The following ACE variants were observed in gnomAD, a reference collection of about 807,000 sequenced individuals.
The protein encoded by ACE is angiotensin-converting enzyme.
A neutral mutation model predicts 162.3 loss-of-function variants in ACE; 122 were observed. That is an observed-to-expected ratio of 0.75 (90% CI 0.65 to 0.87). The LOEUF is 0.87. Ranked by LOEUF, ACE falls within the 40% of genes least tolerant of loss-of-function variation. The pLI, the probability that ACE is intolerant of heterozygous loss-of-function variation, is 0.00. For synonymous variants in ACE, 796 were observed against 720.6 expected, an observed-to-expected ratio of 1.10 and a Z score of -1.68; for missense variants, 1,799 against 1,735.1, an observed-to-expected ratio of 1.04 and a Z score of -0.65.
In ACE at chr17:63,496,394, G is replaced by T. The variant is rs1229959665; in HGVS notation, c.3381G>T (p.Arg1127Ser). ...FHIPSSVPYI[R>S]YFVSFIIQFQ... ...GGGCCACGGCCTCGCTCTGCTCCAG[G>T]TACTTTGTCAGCTTCATCATCCAGT... Residue 1127 changes from arginine to serine, a missense_variant and splice_region_variant, in exon 23 of 25, where the codon AGG becomes AGT. Arg to Ser is a moderately radical substitution (Grantham distance 110). Transcript: ENST00000290866. The T allele has an allele frequency of 6.2e-7, 1 of 1,614,054 alleles. No homozygotes were observed. Among genetic ancestry groups the T allele is most frequent in the Non-Finnish European group, 8.5e-7 (1 of 1,180,040 alleles).
chr17:63,483,231 A>G, intron 9 of ACE, 58 bp downstream of exon 9: 1 of 1,611,484 alleles, frequency 6.2e-7, no homozygotes, highest in East Asian at 2.2e-5. Context: ...CCTCCTGGAC[A>G]GCCAGGCGCC....
chr17:63,486,912 C>T, intron 14 of ACE, 74 bp from the exon 15 acceptor site: 2 of 1,507,122 alleles, frequency 1.3e-6, no homozygotes, highest in Admixed American at 1.7e-5. Context: ...GCCCATGGGG[C>T]CTGGGGGTAG....
Position 63,486,685 on chromosome 17 carries a change from G to T in ACE, c.2187G>T (p.Arg729=), listed in dbSNP as rs35553988. The change falls in exon 14 of 25, where the codon CGG becomes CGT. Residue 729 remains arginine, a synonymous_variant. Coordinates refer to ENST00000290866, the MANE Select transcript of ACE (RefSeq NM_000789.4). ...TAAAGAAGGTTCAGGACCTAGAACG[G>T]GCAGCACTGCCTGCCCAGGAGCTGG... ...RIIKKVQDLE[R]AALPAQELEE... 1.1e-3 allele frequency: 1,800 copies of T among 1,614,216 alleles called. 22 individuals carry two copies. The African/African-American group carries it at 0.021, about 19-fold the overall frequency.
At chr17:63,477,653 C>T (rs1465822014) in intron 1 of ACE, 2 of 482,194 alleles carry the variant, frequency 4.1e-6, no homozygotes, top group African/African-American at 3.9e-5. Context: ...CGGACGCTGT[C>T]GCTGTCACCG....
chr17:63,483,776 G>C, intron 10 of ACE, 73 bp from the exon 11 acceptor site: 5 of 1,610,988 alleles, frequency 3.1e-6, no homozygotes, highest in Non-Finnish European at 4.2e-6. Context: ...CAGGAAGCTG[G>C]ATGGTGCCTG....
chr17:63,479,228 A>G (rs149402509), intron 3 of ACE, 128 bp downstream of exon 3: 4 of 794,046 alleles, frequency 5.0e-6, no homozygotes, highest in East Asian at 2.7e-5. Context: ...TTGCCCTCCA[A>G]CTGGGGCTGG....
chr17:63,483,570 C>CCCCCCCCCCCCCCCCCCCCAA lies in ACE; in HGVS notation c.1586+14_1586+15insCCCCCCCCCCCCCCCCCAACC. 1 of 803,466 alleles carries CCCCCCCCCCCCCCCCCCCCAA rather than the reference C, an allele frequency of 1.2e-6. No homozygotes were observed. The highest frequency in any genetic ancestry group is 2.0e-6 in the Non-Finnish European group (1 of 509,414). 49.8% of individuals were successfully genotyped at this position (803,466 alleles called of 1,614,324 possible). On this transcript the variant is annotated intron_variant, in intron 10 of 24. Transcript: ENST00000290866. ...ACACCATACATCAGGTATTAGCGCC[C>CCCCCCCCCCCCCCCCCCCCAA]CCACCCCACCCACCCCCAGTACTGT...
chr17:63,481,633 T>C lies in ACE; in HGVS notation c.1013T>C (p.Met338Thr). ...TTCACCTCCCTGGAGCTCTCCCCCA[T>C]GCCTCCCGAGTTCTGGGAAGGGTCG... Reference protein sequence around the residue: ...EFFTSLELSPMPPEFWEGSML... With the variant: ...EFFTSLELSPTPPEFWEGSML... The change falls in exon 7 of 25, where the codon ATG (methionine) becomes ACG (threonine). Residue 338 changes from methionine to threonine, a missense_variant. Met to Thr is a moderately conservative substitution (Grantham distance 81, BLOSUM62 -1). Coordinates refer to ENST00000290866, the MANE Select transcript of ACE (RefSeq NM_000789.4). The C allele has an allele frequency of 1.2e-6, 2 of 1,614,014 alleles. No individual in the cohort carries two copies. Among genetic ancestry groups the C allele is most frequent in the South Asian group, 1.1e-5 (1 of 91,084 alleles).
chr17:63,485,756 CAG>C (rs1358386307), intron 13 of ACE: 1 of 161,632 alleles, frequency 6.2e-6, no homozygotes, highest in Non-Finnish European at 1.2e-5. Context: ...GCCTGGGCGA[CAG>C]AGCGAGACTC....
In ACE at chr17:63,487,426, C is replaced by T. The variant is rs572528376; in HGVS notation, c.2305+353C>T. 6.0e-4 allele frequency among the ~76,000 whole-genome samples: 91 copies of T among 152,262 alleles called. 1 individual carries two copies. The highest frequency in any genetic ancestry group is 1.1e-3 in the Non-Finnish European group (76 of 68,024). ...GGAACTCGGGGACACTAGCTCCCCC[C>T]GGCCTCCTTTCGTGACCCTGCCCTT... On this transcript the variant is annotated intron_variant, in intron 15 of 24. Transcript: ENST00000290866.
rs746927014 is a variant in ACE, at chr17:63,491,319, C to T, written c.2850C>T (p.Thr950=). ...ACAAGTCGATGCTGGAGAAGCCAAC[C>T]GACGGGCGGGAGGTGGTCTGCCACG... ...FWNKSMLEKP[T]DGREVVCHAS... Residue 950 remains threonine (T), a synonymous_variant, in exon 19 of 25, where the codon ACC becomes ACT. Transcript: ENST00000290866. This position sits in a 1 kb window ranked among gnomAD's most constrained non-coding sequence, Gnocchi z 4.4. 45 of 1,614,028 alleles carry T rather than the reference C, an allele frequency of 2.8e-5. No individual in the cohort carries two copies. Among genetic ancestry groups the T allele is most frequent in the Non-Finnish European group, 1.4e-5 (17 of 1,180,038 alleles).
At chr17:63,483,780 G>A (rs1555669553) in intron 10 of ACE, 69 bp from the exon 11 acceptor site, 1 of 1,611,596 alleles carries the variant, frequency 6.2e-7, no homozygotes, top group African/African-American at 1.3e-5. Flanking sequence ...AAGCTGGATG[G>A]TGCCTGGGTA....
chr17:63,481,512 C>A, intron 6 of ACE, 54 bp from the exon 7 acceptor site: 1 of 1,602,510 alleles, frequency 6.2e-7, no homozygotes, highest in Non-Finnish European at 8.5e-7. Context: ...CAGCCCTGTC[C>A]CCAGGCCAGC....
In ACE at chr17:63,477,176, C is replaced by T. The variant is rs746237814; in HGVS notation, c.82C>T (p.Leu28=). 1.0e-5 allele frequency: 15 copies of T among 1,465,228 alleles called. No homozygotes were observed. The highest frequency in any genetic ancestry group is 6.9e-5 in the Admixed American group (3 of 43,734). 90.8% of individuals were successfully genotyped at this position (1,465,228 alleles called of 1,614,324 possible). The part of the protein sequence containing the change: ...LLLLLPPQPA[L]ALDPGLQPGN... ...GTTGCTGCTGCCGCCGCAGCCCGCC[C>T]TGGCGTTGGACCCCGGGCTGCAGCC... The change falls in exon 1 of 25, where the codon CTG becomes TTG. Residue 28 remains leucine (L), a synonymous_variant. Transcript: ENST00000290866.
chr17:63,489,792 T>C (rs1393522850), intron 17 of ACE: 1 of 155,866 alleles, frequency 6.4e-6, no homozygotes, highest in Non-Finnish European at 1.4e-5. Flanking sequence ...TCAGACCATT[T>C]AGAAACTATA....
In ACE at chr17:63,497,655, C is replaced by G; in HGVS notation, c.*289C>G. ...GTGTCCCTCACAGGGAAGCCAGGGA[C>G]AGGGACAGGCTGCTTTCCTGCCTCC... On this transcript the variant is annotated 3_prime_UTR_variant, in exon 25 of 25. Transcript: ENST00000290866. The G allele has an allele frequency of 1.6e-6, 1 of 623,860 alleles. No homozygotes were observed. Among genetic ancestry groups the G allele is most frequent in the Non-Finnish European group, 3.0e-6 (1 of 338,330 alleles). The allele number at this position is 623,860 out of a possible 1,614,324, so 38.6% of individuals were successfully genotyped here. A position where few individuals can be genotyped will look rare whatever the true frequency, so the allele number is the denominator to read the frequency against.
rs12709418 is a variant in ACE, at chr17:63,478,267, T to C, written c.417+169T>C. The C allele has an allele frequency of 3.8e-3, 3,339 of 872,536 alleles. 88 individuals are homozygous for C. In the African/African-American group the frequency reaches 0.052, roughly 14 times the overall value. The allele number at this position is 872,536 out of a possible 1,614,324, so 54.0% of individuals were successfully genotyped here. On this transcript the variant is annotated intron_variant, in intron 2 of 24. Coordinates refer to ENST00000290866, the MANE Select transcript of ACE (RefSeq NM_000789.4). ...ATGGCTTTCTGAGCATTGATTTTTCTTGGAGATGGGGTGGGGAGTTACTTT... is the reference window on the plus strand; with the variant it reads ...ATGGCTTTCTGAGCATTGATTTTTCCTGGAGATGGGGTGGGGAGTTACTTT...
chr17:63,496,932 A>C lies in ACE; in HGVS notation c.3638A>C (p.Glu1213Ala), dbSNP rs2030780027. The C allele has an allele frequency of 6.2e-7, 1 of 1,613,260 alleles. No homozygotes were observed. Among genetic ancestry groups the C allele is most frequent in the Non-Finnish European group, 8.5e-7 (1 of 1,179,980 alleles). ...PLLDWLRTEN[E>A]LHGEKLGWPQ... ...CTGGACTGGCTCCGCACGGAGAACGAGCTGCATGGGGAGAAGCTGGGCTGG... is the reference window on the plus strand; with the variant it reads ...CTGGACTGGCTCCGCACGGAGAACGCGCTGCATGGGGAGAAGCTGGGCTGG... The change falls in exon 24 of 25, where the codon GAG becomes GCG. Residue 1213 changes from glutamate to alanine, a missense_variant. By Grantham distance (107) the Glu-to-Ala change is moderately radical. Coordinates refer to ENST00000290866, the MANE Select transcript of ACE (RefSeq NM_000789.4).
intron 10 of ACE, 94 bp downstream of exon 10, chr17:63,483,652 G>C: frequency 7.2e-7 from 1 of 1,384,886 alleles, no homozygotes; most frequent in South Asian, 1.2e-5. Flanking sequence ...CCCAGGGCTT[G>C]TCCCCATGCT....
Sources: gnomAD v4.1 joint callset for allele counts (sites outside exome capture counted in the v4.1 genomes callset) on GRCh38, gnomAD v4.1.1 for gene constraint, Gnocchi (gnomAD v3.1) non-coding constraint, MANE v1.5 for transcripts, NCBI Gene and HGNC (gene_info 2026-07-23, HGNC 2026-07-21) for gene names.